Variants in DISP1 observed in about 807,000 individuals in gnomAD.
The protein encoded by DISP1 is dispatched RND transporter family member 1.
A neutral mutation model predicts 37.3 loss-of-function variants in DISP1; 30 were observed. The ratio of observed to expected loss-of-function variants is 0.80; its 90% confidence interval spans 0.60 to 1.09. The LOEUF (loss-of-function observed/expected upper bound fraction) is 1.09, where lower values mean the gene tolerates loss of function less well. Ranked by LOEUF, DISP1 falls within the 50% of genes least tolerant of loss-of-function variation. The pLI, the probability that DISP1 is intolerant of heterozygous loss-of-function variation, is 0.00. For missense variants in DISP1, 1,598 were observed against 1,879.5 expected (o/e 0.85, Z 2.77); for synonymous variants, 634 against 690.2 (o/e 0.92, Z 1.28).
At chr1:222,967,643 T>G (rs1350917849) in intron 3 of DISP1, among the ~76,000 whole-genome samples, 4 of 152,160 alleles carry the variant, frequency 2.6e-5, no homozygotes, top group African/African-American at 7.2e-5. Flanking sequence ...TATATAAGAC[T>G]TTTTCCTGCA....
intron 1 of DISP1, among the ~76,000 whole-genome samples, chr1:222,830,129 G>A (rs191459718): frequency 3.9e-5 from 6 of 152,152 alleles, no homozygotes; most frequent in Admixed American, 3.9e-4. Context: ...TTCCTTAAGT[G>A]GGTCATGTGA....
rs753157479 is a variant in DISP1 at position 223,004,097 on chromosome 1, T to A, written c.2700T>A (p.Ser900Arg). The A allele has an allele frequency of 6.2e-7, 1 of 1,613,822 alleles. No homozygotes were observed. The highest frequency in any genetic ancestry group is 1.7e-5 in the Admixed American group (1 of 59,978). Residue 900 changes from serine to arginine, a missense_variant, in exon 9 of 9, where the codon AGT (serine) becomes AGA (arginine). By Grantham distance (110) the Ser-to-Arg change is moderately radical. Transcript: ENST00000675850. This position sits in a 1 kb window ranked among gnomAD's most constrained non-coding sequence, Gnocchi z 4.9. The stretch of plus-strand genomic sequence containing the variant: ...GAGCTATCATGGAGCTGGAAAGGAG[T>A]ACAGGGTACCATTTGGATAGCAAAA... ...IKRAIMELERSTGYHLDSKTP... is the reference protein window; with the variant it reads ...IKRAIMELERRTGYHLDSKTP...
chr1:222,929,893 T>TG, intron 2 of DISP1, among the ~76,000 whole-genome samples: 1 of 152,328 alleles, frequency 6.6e-6, no homozygotes, highest in South Asian at 2.1e-4. Context: ...TATTTTTATG[T>TG]ATCTTCTATG....
intron 3 of DISP1, among the ~76,000 whole-genome samples, chr1:222,975,444 T>C (rs1262456259): frequency 6.6e-6 from 1 of 152,182 alleles, no homozygotes; most frequent in Non-Finnish European, 1.5e-5. Flanking sequence ...CAAGCTCCCC[T>C]TCTCCTTCCA....
At chr1:222,918,749 G>C (rs1672637284) in intron 1 of DISP1, among the ~76,000 whole-genome samples, 1 of 152,208 alleles carries the variant, frequency 6.6e-6, no homozygotes, top group African/African-American at 2.4e-5. Context: ...ACCTTGATTT[G>C]TTTTCTCTGT....
At chr1:222,907,376 C>T (rs1411215244) in intron 1 of DISP1, among the ~76,000 whole-genome samples, 1 of 152,176 alleles carries the variant, frequency 6.6e-6, no homozygotes. Flanking sequence ...TGGTCCCACA[C>T]TTAGCAGCTT....
Position 223,005,635 on chromosome 1 carries a change from A to G in DISP1, c.4238A>G (p.Gln1413Arg). The change falls in exon 9 of 9, where the codon CAA (glutamine) becomes CGA (arginine). Residue 1413 changes from glutamine to arginine, a missense_variant. By Grantham distance (43) the Gln-to-Arg change is conservative. Transcript: ENST00000675850. Reference sequence around the variant, plus strand: ...ACGTGTTGCGACCCCGAGAATAAACAAAGGGAACTCTGTAAAAATAGAGAC... The same window carrying G: ...ACGTGTTGCGACCCCGAGAATAAACGAAGGGAACTCTGTAAAAATAGAGAC... ...LKTCCDPENK[Q>R]RELCKNRDVS... The G allele has an allele frequency of 5.0e-6, 8 of 1,614,166 alleles. No homozygotes were observed. The highest frequency in any genetic ancestry group is 6.8e-6 in the Non-Finnish European group (8 of 1,180,038).
At chr1:222,824,117 T>C (rs1663670235) in intron 1 of DISP1, among the ~76,000 whole-genome samples, 1 of 152,162 alleles carries the variant, frequency 6.6e-6, no homozygotes, top group Admixed American at 6.5e-5. Context: ...TTAAGTTACA[T>C]ATTAATTTGT....
chr1:222,952,711 G>C (rs2125520157), intron 3 of DISP1, among the ~76,000 whole-genome samples: 2 of 152,260 alleles, frequency 1.3e-5, no homozygotes, highest in East Asian at 3.9e-4. Flanking sequence ...TTAGCTGGGT[G>C]TGGTGGCACG....
intron 1 of DISP1, among the ~76,000 whole-genome samples, chr1:222,871,260 A>T (rs1669553958): frequency 6.6e-6 from 1 of 152,122 alleles, no homozygotes; most frequent in Non-Finnish European, 1.5e-5. Context: ...CTTAGGATTG[A>T]CTTGGCAATG....
At chr1:222,889,607 CTA>C (rs767033404) in intron 1 of DISP1, among the ~76,000 whole-genome samples, 1 of 149,918 alleles carries the variant, frequency 6.7e-6, no homozygotes, top group Admixed American at 6.7e-5. Context: ...ACTACATGAA[CTA>C]TATATGCCTT....
At chr1:222,965,863 C>A (rs1482083951) in intron 3 of DISP1, among the ~76,000 whole-genome samples, 1 of 152,016 alleles carries the variant, frequency 6.6e-6, no homozygotes, top group South Asian at 2.1e-4. Context: ...AGTGAGACCT[C>A]GTCTCTTAAA....
At chr1:222,872,077 T>G (rs1021500218) in intron 1 of DISP1, among the ~76,000 whole-genome samples, 5 of 152,238 alleles carry the variant, frequency 3.3e-5, no homozygotes, top group Non-Finnish European at 5.9e-5. Context: ...TCTGTTTATA[T>G]GCTGGATTAC....
intron 1 of DISP1, among the ~76,000 whole-genome samples, chr1:222,879,754 C>T (rs932894212): frequency 6.6e-6 from 1 of 152,070 alleles, no homozygotes; most frequent in African/African-American, 2.4e-5. Flanking sequence ...AGGCAATTCA[C>T]TCAACAAGAC....
Position 222,983,040 on chromosome 1 carries a change from C to T in DISP1, c.510-40C>T, listed in dbSNP as rs2926159. 1,525,704 of 1,525,772 alleles carry T rather than the reference C, an allele frequency of 1. 762,818 individuals are homozygous for T. The highest frequency in any genetic ancestry group is 1 in the East Asian group (44,414 of 44,414). The allele number at this position is 1,525,772 out of a possible 1,614,324, so 94.5% of individuals were successfully genotyped here. A position where few individuals can be genotyped will look rare whatever the true frequency, so the allele number is the denominator to read the frequency against. On this transcript the variant is annotated intron_variant, in intron 3 of 8. Transcript: ENST00000675850. ...TTTATGTTATGATGTTTATGATGCT[C>T]TGTTTTTGATCATTTTTCCTTTGCT... is the stretch of plus-strand genomic sequence containing the variant.
chr1:222,894,624 G>C (rs2125393287), intron 1 of DISP1, among the ~76,000 whole-genome samples: 1 of 152,312 alleles, frequency 6.6e-6, no homozygotes, highest in East Asian at 1.9e-4. Context: ...GGGCCCCCAA[G>C]AGTGCAGAGA....
At chr1:222,827,291 T>G (rs1391605769) in intron 1 of DISP1, 1 of 152,236 alleles carries the variant, frequency 6.6e-6, no homozygotes, top group Non-Finnish European at 1.5e-5. Flanking sequence ...GGTGGAATTC[T>G]GGAAACATCC....
chr1:222,875,801 T>C (rs990918085), intron 1 of DISP1, among the ~76,000 whole-genome samples: 5 of 144,950 alleles, frequency 3.4e-5, no homozygotes, highest in Non-Finnish European at 7.5e-5. Context: ...CACTCCAGAC[T>C]GGGCAACAAG....
In DISP1 at chr1:222,942,870, G is replaced by A; in HGVS notation, c.47G>A (p.Ser16Asn). Residue 16 changes from serine to asparagine, a missense_variant, in exon 3 of 9, where the codon AGC becomes AAC. Physicochemically the swap from Ser to Asn is conservative, Grantham distance 46. Transcript: ENST00000675850. ...AATGATTTTGTGGTTCTGAGCAACA[G>A]CAGCATCGCAACCAGTGCTGCTAAC... The part of the protein sequence containing the change: ...GNNDFVVLSN[S>N]SIATSAANPS... 6.2e-7 allele frequency: 1 copy of A among 1,614,158 alleles called. No homozygotes were observed. The highest frequency in any genetic ancestry group is 1.1e-5 in the South Asian group (1 of 91,076).
Sources: gnomAD v4.1 joint callset for allele counts (sites outside exome capture counted in the v4.1 genomes callset) on GRCh38, gnomAD v4.1.1 for gene constraint, Gnocchi (gnomAD v3.1) non-coding constraint, MANE v1.5 for transcripts, NCBI Gene and HGNC (gene_info 2026-07-23, HGNC 2026-07-21) for gene names.